SCOC: variants seen among roughly 807,000 people sequenced by gnomAD.
The protein encoded by SCOC is short coiled-coil protein, also known as short coiled coil protein.
Under a neutral mutation model 9.9 loss-of-function variants are expected in SCOC, and 7 were observed. That is an observed-to-expected ratio of 0.71 (90% CI 0.40 to 1.33). The LOEUF is 1.33. Among genes scored for constraint, SCOC ranks in the 40% most tolerant of loss-of-function variants. SCOC has a pLI of 0.01. For synonymous variants in SCOC, 19 were observed against 28.2 expected (o/e 0.67, Z 1.03); for missense variants, 66 against 89.7 (o/e 0.74, Z 1.07).
At chr4:140,285,951 G>A (rs1731254897) in intron 1 of SCOC, among the ~76,000 whole-genome samples, 1 of 152,104 alleles carries the variant, frequency 6.6e-6, no homozygotes, top group East Asian at 1.9e-4. Context: ...TTGGGTGGCT[G>A]AGGCAGGTAC....
intron 1 of SCOC, among the ~76,000 whole-genome samples, chr4:140,335,034 T>C (rs1052688783): frequency 6.6e-6 from 1 of 152,232 alleles, no homozygotes. Flanking sequence ...TTTCACTTGG[T>C]ATGTGTGTAT....
intron 1 of SCOC, chr4:140,314,328 A>C (rs1732246537): frequency 6.4e-6 from 1 of 155,776 alleles, no homozygotes; most frequent in African/African-American, 2.4e-5. Context: ...TGGGATAGAC[A>C]CTTGCTGATC....
At position 140,382,647 on chromosome 4, in the gene SCOC, T is replaced by C. The variant is rs954751091; in HGVS notation, c.*1543T>C. The C allele has an allele frequency of 2.0e-5, 3 of 152,648 alleles. No individual in the cohort carries two copies. The highest frequency in any genetic ancestry group is 2.0e-4 in the Admixed American group (3 of 15,272). The allele number at this position is 152,648 out of a possible 1,614,324, so 9.5% of individuals were successfully genotyped here. On this transcript the variant is annotated 3_prime_UTR_variant, in exon 4 of 4. Transcript: ENST00000608372. The stretch of plus-strand genomic sequence containing the variant: ...TTCAATGCCACAGAATAGTGTATCT[T>C]ATTTAAGTACCCAGTTACTGATTAT...
At chr4:140,304,016 C>A (rs1731889602) in intron 1 of SCOC, among the ~76,000 whole-genome samples, 1 of 152,154 alleles carries the variant, frequency 6.6e-6, no homozygotes, top group Admixed American at 6.5e-5. Flanking sequence ...TGCTGCATAC[C>A]CTAAACGGAG....
intron 2 of SCOC, among the ~76,000 whole-genome samples, chr4:140,357,360 TC>T (rs374275152): frequency 1.5e-3 from 225 of 152,354 alleles, no homozygotes; most frequent in African/African-American, 5.2e-3. Context: ...TATATTCACT[TC>T]ATTTCTTCTC....
intron 1 of SCOC, among the ~76,000 whole-genome samples, chr4:140,317,789 C>T (rs1732371908): frequency 6.6e-6 from 1 of 151,258 alleles, no homozygotes; most frequent in South Asian, 2.1e-4. Context: ...TGCTGGCGCG[C>T]TGCACCCACT....
intron 1 of SCOC, among the ~76,000 whole-genome samples, chr4:140,336,850 A>G (rs566274256): frequency 6.6e-6 from 1 of 152,340 alleles, no homozygotes; most frequent in Non-Finnish European, 1.5e-5. Context: ...CACCAGCAAT[A>G]TACAAATGTT....
At chr4:140,354,532 T>G (rs1232679886) in intron 2 of SCOC, among the ~76,000 whole-genome samples, 1 of 131,992 alleles carries the variant, frequency 7.6e-6, no homozygotes, top group South Asian at 2.5e-4. Flanking sequence ...TTTTTTTTTT[T>G]GCAGGATATT....
At chr4:140,295,413 G>A (rs935928491) in intron 1 of SCOC, among the ~76,000 whole-genome samples, 3 of 152,236 alleles carry the variant, frequency 2.0e-5, no homozygotes, top group Non-Finnish European at 4.4e-5. Context: ...GCCATGTGGA[G>A]GTTGGAGCCA....
chr4:140,287,539 C>T (rs915501962), intron 1 of SCOC, among the ~76,000 whole-genome samples: 1 of 151,706 alleles, frequency 6.6e-6, no homozygotes, highest in African/African-American at 2.4e-5. Context: ...ACACACACTA[C>T]ACACACATCA....
chr4:140,306,781 T>TATGAGC (rs11280860), intron 1 of SCOC, among the ~76,000 whole-genome samples: 61,398 of 151,732 alleles, frequency 0.4, 15,012 homozygotes, highest in African/African-American at 0.69. Context: ...ATGTTGTAGG[T>TATGAGC]AGGAGAAGGT....
chr4:140,379,315 A>C, intron 2 of SCOC, 123 bp downstream of exon 2: 1 of 768,430 alleles, frequency 1.3e-6, no homozygotes, highest in Non-Finnish European at 2.3e-6. Context: ...TTACTTATTT[A>C]TATCTCATCT....
At chr4:140,285,022 A>C (rs896404874) in intron 1 of SCOC, 1 of 341,106 alleles carries the variant, frequency 2.9e-6, no homozygotes, top group Non-Finnish European at 5.9e-6. Flanking sequence ...AACGTCTTGC[A>C]CTTTCACTGT....
intron 1 of SCOC, among the ~76,000 whole-genome samples, chr4:140,289,162 A>C (rs1560685111): frequency 6.6e-6 from 1 of 152,246 alleles, no homozygotes; most frequent in Non-Finnish European, 1.5e-5. Context: ...TGCAGAGCCC[A>C]GAGTTGTGTG....
chr4:140,379,054 C>T, intron 1 of SCOC, 67 bp from the exon 2 acceptor site: 1 of 971,520 alleles, frequency 1.0e-6, no homozygotes, highest in Non-Finnish European at 1.7e-6. Flanking sequence ...AAATCATCCT[C>T]CTTTGAAAAA....
chr4:140,370,300 T>C (rs182112402), upstream of SCOC, among the ~76,000 whole-genome samples: 1 of 152,292 alleles, frequency 6.6e-6, no homozygotes, highest in East Asian at 1.9e-4. Context: ...TTGATGAATT[T>C]TCCAAGTGCA....
At chr4:140,330,938 G>A (rs191190044) in intron 1 of SCOC, among the ~76,000 whole-genome samples, 4 of 152,296 alleles carry the variant, frequency 2.6e-5, no homozygotes, top group East Asian at 3.9e-4. Flanking sequence ...TGCAGCGTAC[G>A]GCTGGTATAT....
chr4:140,373,410 G>A, upstream of SCOC: 1 of 1,479,386 alleles, frequency 6.8e-7, no homozygotes, highest in Non-Finnish European at 9.0e-7. Flanking sequence ...TACTGTCATT[G>A]GCTGTCGCTG....
chr4:140,381,087 A>G lies in SCOC; in HGVS notation c.232A>G (p.Lys78Glu). 1.9e-6 allele frequency: 3 copies of G among 1,597,950 alleles called. No individual in the cohort carries two copies. Among genetic ancestry groups the G allele is most frequent in the Non-Finnish European group, 2.6e-6 (3 of 1,176,192 alleles). The change falls in exon 4 of 4, where the codon AAA becomes GAA. Residue 78 changes from lysine (K) to glutamate (E), a missense_variant. Coordinates refer to ENST00000608372, the MANE Select transcript of SCOC (RefSeq NM_001153484.2). ...ASSVFQTTDT[K>E]SKRK ...TAGTGTTTTTCAAACAACTGACACA[A>G]AAAGCAAAAGAAAGTAAGGGATTGA...
Sources: gnomAD v4.1 joint callset for allele counts (sites outside exome capture counted in the v4.1 genomes callset) on GRCh38, gnomAD v4.1.1 for gene constraint, MANE v1.5 for transcripts, NCBI Gene and HGNC (gene_info 2026-07-23, HGNC 2026-07-21) for gene names.